Variants in FLRT2 observed in about 807,000 individuals in gnomAD.
FLRT2 encodes leucine-rich repeat transmembrane protein FLRT2.
Under a neutral mutation model 40.0 loss-of-function variants are expected in FLRT2, and 15 were observed. The ratio of observed to expected loss-of-function variants is 0.38; its 90% CI spans 0.25 to 0.58. The LOEUF is 0.58. Ranked by LOEUF, FLRT2 falls within the 20% of genes least tolerant of loss-of-function variation. FLRT2 has a pLI of 0.71. For synonymous variants in FLRT2, 380 were observed against 336.8 expected (o/e 1.13, Z -1.41); for missense variants, 726 against 840.0 (o/e 0.86, Z 1.68).
At chr14:85,598,207 A>G (rs991747989) in intron 1 of FLRT2, among the ~76,000 whole-genome samples, 1 of 152,208 alleles carries the variant, frequency 6.6e-6, no homozygotes, top group Non-Finnish European at 1.5e-5. Context: ...TTTAATCTTT[A>G]TAAGCTTGTT....
intron 1 of FLRT2, among the ~76,000 whole-genome samples, chr14:85,616,169 C>T (rs1893123144): frequency 6.6e-6 from 1 of 152,090 alleles, no homozygotes; most frequent in South Asian, 2.1e-4. Context: ...GATTTATACT[C>T]AGGCTTTTGA....
intron 1 of FLRT2, among the ~76,000 whole-genome samples, chr14:85,567,635 ATTTTTTTT>A (rs34161461): frequency 4.0e-5 from 3 of 75,060 alleles, no homozygotes; most frequent in South Asian, 4.9e-4. Flanking sequence ...AGTGACTTAC[ATTTTTTTT>A]TTTTTTTTTT....
At chr14:85,613,979 A>G (rs1286987358) in intron 1 of FLRT2, among the ~76,000 whole-genome samples, 1 of 152,208 alleles carries the variant, frequency 6.6e-6, no homozygotes, top group Non-Finnish European at 1.5e-5. Context: ...ATTAGGGACA[A>G]ATGCTCCCCG....
At chr14:85,615,607 A>G (rs891469979) in intron 1 of FLRT2, among the ~76,000 whole-genome samples, 4 of 152,238 alleles carry the variant, frequency 2.6e-5, no homozygotes, top group African/African-American at 9.6e-5. Context: ...ATGAGATAGA[A>G]AAATGGTTTC....
intron 1 of FLRT2, among the ~76,000 whole-genome samples, chr14:85,531,934 A>T (rs1283697860): frequency 6.6e-6 from 1 of 152,142 alleles, no homozygotes; most frequent in East Asian, 1.9e-4. Context: ...GTCTGGGTGG[A>T]TCCTTGCGTG....
At position 85,570,368 on chromosome 14, in the gene FLRT2, C is replaced by A. The variant is rs921432660; in HGVS notation, c.-377+39834C>A. 2.0e-5 allele frequency among the ~76,000 whole-genome samples: 3 copies of A among 152,098 alleles called. No homozygotes were observed. The South Asian group carries it at 6.2e-4, about 32-fold the overall frequency. Reference sequence around the variant, plus strand: ...GAATTAGAATTCATAGTCTTACTTTCTTACCTTAATCTGATTACAGTATTA... The same window carrying A: ...GAATTAGAATTCATAGTCTTACTTTATTACCTTAATCTGATTACAGTATTA... On this transcript the variant is annotated intron_variant, in intron 1 of 1. Transcript: ENST00000330753.
intron 1 of FLRT2, among the ~76,000 whole-genome samples, chr14:85,546,462 T>C (rs1178178755): frequency 6.6e-6 from 1 of 152,102 alleles, no homozygotes; most frequent in Non-Finnish European, 1.5e-5. Flanking sequence ...GGGAAGTAGG[T>C]ACTACTTAGG....
chr14:85,594,946 G>GAA (rs1555369247), intron 1 of FLRT2, among the ~76,000 whole-genome samples: 1 of 152,070 alleles, frequency 6.6e-6, no homozygotes, highest in Non-Finnish European at 1.5e-5. Flanking sequence ...TGTTATTAAG[G>GAA]AAATTGTAAG....
At chr14:85,548,012 A>G (rs960988821) in intron 1 of FLRT2, among the ~76,000 whole-genome samples, 2 of 152,214 alleles carry the variant, frequency 1.3e-5, no homozygotes, top group African/African-American at 4.8e-5. Flanking sequence ...TGGTGACTGA[A>G]TAGAATGAGA....
At chr14:85,550,852 G>C (rs1889578356) in intron 1 of FLRT2, among the ~76,000 whole-genome samples, 2 of 152,092 alleles carry the variant, frequency 1.3e-5, no homozygotes, top group Non-Finnish European at 2.9e-5. Flanking sequence ...GGTTTCATTG[G>C]AAAATTGTAG....
intron 1 of FLRT2, among the ~76,000 whole-genome samples, chr14:85,609,166 G>A (rs577187970): frequency 2.8e-4 from 43 of 152,260 alleles, no homozygotes; most frequent in African/African-American, 9.1e-4. Context: ...AACCTCAGGA[G>A]GACAGACCCA....
At chr14:85,599,537 G>C (rs1892291984) in intron 1 of FLRT2, among the ~76,000 whole-genome samples, 1 of 152,128 alleles carries the variant, frequency 6.6e-6, no homozygotes, top group East Asian at 1.9e-4. Context: ...TTGAACACTG[G>C]TTTCTCTAAT....
rs747657938 is a variant in FLRT2 at position 85,621,533 on chromosome 14, A to G, written c.19A>G (p.Lys7Glu). The change falls in exon 2 of 2, where the codon AAG becomes GAG. Residue 7 changes from lysine (K) to glutamate (E), a missense_variant. Lys to Glu is a moderately conservative substitution (Grantham distance 56). This residue lies in a region of FLRT2 where 106 missense variants were observed against 121.2 expected (regional missense o/e 0.87). Transcript: ENST00000330753. MGLQTTKWPSHGAFFLK... is the reference protein window; with the variant it reads MGLQTTEWPSHGAFFLK... ...TTCAGAAATGGGCCTACAGACCACA[A>G]AGTGGCCCAGCCATGGGGCTTTTTT... 37 of 1,612,180 alleles carry G rather than the reference A, an allele frequency of 2.3e-5. No homozygotes were observed. The highest frequency in any genetic ancestry group is 3.1e-5 in the Non-Finnish European group (36 of 1,179,184).
Position 85,654,312 on chromosome 14 carries a change from C to A in FLRT2, c.*30815C>A, listed in dbSNP as rs1260152593. On this transcript the variant is annotated 3_prime_UTR_variant, in exon 2 of 2. Transcript: ENST00000330753. ...TATTATTGACAACTTGAAGAAAGTA[C>A]ATAAAGTACAAAATAAAAGTTACCC... 2.6e-5 allele frequency: 4 copies of A among 151,972 alleles called. No homozygotes were observed. Among genetic ancestry groups the A allele is most frequent in the Non-Finnish European group, 4.4e-5 (3 of 68,000 alleles). 9.4% of individuals were successfully genotyped at this position (151,972 alleles called of 1,614,324 possible).
chr14:85,533,883 T>TCGC lies in FLRT2; in HGVS notation c.-377+3360_-377+3362dup, dbSNP rs999728315. Among the ~76,000 whole-genome samples the TCGC allele has an allele frequency of 6.6e-5, 10 of 151,750 alleles. No homozygotes were observed. The East Asian group carries it at 1.4e-3, about 21-fold the overall frequency. ...GGCTTGGCTCCAGCAGCCGCCGCCGTCGCCGCCGCCGCCACCCGGAGGACC... is the reference window on the plus strand; with the variant it reads ...GGCTTGGCTCCAGCAGCCGCCGCCGTCGCCGCCGCCGCCGCCACCCGGAGGACC... On this transcript the variant is annotated intron_variant, in intron 1 of 1. Coordinates refer to ENST00000330753, the MANE Select transcript of FLRT2 (RefSeq NM_013231.6).
intron 1 of FLRT2, among the ~76,000 whole-genome samples, chr14:85,611,885 G>GGA (rs74264052): frequency 9.1e-5 from 13 of 143,122 alleles, no homozygotes; most frequent in South Asian, 2.3e-4. Flanking sequence ...TCATGTGAGG[G>GGA]GAGAGAGAGA....
At chr14:85,540,162 A>T (rs1488295745) in intron 1 of FLRT2, among the ~76,000 whole-genome samples, 2 of 152,160 alleles carry the variant, frequency 1.3e-5, no homozygotes, top group African/African-American at 2.4e-5. Flanking sequence ...CCTTTTGCAA[A>T]CACACACCAA....
chr14:85,547,325 C>CTTTT (rs57883277), intron 1 of FLRT2, among the ~76,000 whole-genome samples: 1 of 139,336 alleles, frequency 7.2e-6, no homozygotes, highest in African/African-American at 2.6e-5. Flanking sequence ...TTCTTTCTTT[C>CTTTT]TTTTTTTTTT....
chr14:85,613,325 A>G (rs1892980598), intron 1 of FLRT2, among the ~76,000 whole-genome samples: 1 of 152,156 alleles, frequency 6.6e-6, no homozygotes, highest in Admixed American at 6.5e-5. Context: ...CTATAAGTCA[A>G]TAAGAGCATG....
Sources: gnomAD v4.1 joint callset for allele counts (sites outside exome capture counted in the v4.1 genomes callset) on GRCh38, gnomAD v4.1.1 for gene constraint, gnomAD v4.1.1 regional missense constraint, MANE v1.5 for transcripts, NCBI Gene and HGNC (gene_info 2026-07-23, HGNC 2026-07-21) for gene names.